CHM: variants seen among roughly 807,000 people sequenced by gnomAD.
The protein encoded by CHM is rab proteins geranylgeranyltransferase component A 1.
A neutral mutation model predicts 49.0 loss-of-function variants in CHM; 10 were observed. That is an observed-to-expected ratio of 0.20 (90% confidence interval 0.13 to 0.35). The LOEUF (loss-of-function observed/expected upper bound fraction) is 0.35, where lower values mean the gene tolerates loss of function less well. CHM is among the 10% of genes least tolerant of loss of function. CHM has a pLI of 1.00. For synonymous variants in CHM, 184 were observed against 167.5 expected (o/e 1.10, Z -0.76); for missense variants, 455 against 478.4 (o/e 0.95, Z 0.46).
At chrX:86,042,001 A>G (rs1934486071) in intron 1 of CHM, among the ~76,000 whole-genome samples, 1 of 109,635 alleles carries the variant, frequency 9.1e-6, no homozygotes, top group African/African-American at 3.3e-5. Context: ...GAAATATAGG[A>G]AATCACTTGT....
At chrX:86,041,742 A>ATGGTGTGTG (rs1354319130) in intron 1 of CHM, among the ~76,000 whole-genome samples, 24 of 100,031 alleles carry the variant, frequency 2.4e-4, no homozygotes, top group African/African-American at 8.6e-4. Flanking sequence ...ATATATATAT[A>ATGGTGTGTG]TATATATATA....
At chrX:85,972,791 A>G (rs1164503737) in intron 4 of CHM, among the ~76,000 whole-genome samples, 1 of 112,101 alleles carries the variant, frequency 8.9e-6, no homozygotes, top group African/African-American at 3.2e-5. Context: ...TTGCCAGCCC[A>G]GAAAGGGGCT....
intron 14 of CHM, among the ~76,000 whole-genome samples, chrX:85,868,452 T>C: frequency 9.0e-6 from 1 of 111,709 alleles, no homozygotes. Flanking sequence ...AAGCAGGACC[T>C]AGATCAGACA....
At chrX:85,966,661 A>G (rs1443107524) in intron 4 of CHM, among the ~76,000 whole-genome samples, 1 of 112,349 alleles carries the variant, frequency 8.9e-6, no homozygotes, top group African/African-American at 3.2e-5. Context: ...TCCACACCTA[A>G]TTTTTTGTTT....
chrX:85,989,748 A>G (rs980478329), intron 2 of CHM, among the ~76,000 whole-genome samples: 9 of 112,243 alleles, frequency 8.0e-5, no homozygotes, highest in African/African-American at 2.9e-4. Context: ...AAAAAACTCA[A>G]TATTACTAAT....
At position 85,864,825 on chromosome X, in the gene CHM, G is replaced by T; in HGVS notation, c.1771-4C>A. ...TTTCCTGGAAAAGTGTTTCAGCCTGGCCAAGGAAGAAAAGATAAAATCGTT... is the reference window on the plus strand; with the variant it reads ...TTTCCTGGAAAAGTGTTTCAGCCTGTCCAAGGAAGAAAAGATAAAATCGTT... On this transcript the variant is annotated splice_polypyrimidine_tract_variant and splice_region_variant and intron_variant, in intron 14 of 14. Coordinates refer to ENST00000357749, the MANE Select transcript of CHM (RefSeq NM_000390.4). 8.3e-7 allele frequency: 1 copy of T among 1,201,919 alleles called. No homozygotes were observed. The highest frequency in any genetic ancestry group is 1.8e-5 in the South Asian group (1 of 55,554).
chrX:85,864,825 G>A lies in CHM; in HGVS notation c.1771-4C>T, dbSNP rs376625115. On this transcript the variant is annotated splice_polypyrimidine_tract_variant and splice_region_variant and intron_variant, in intron 14 of 14. Transcript: ENST00000357749. ...TTTCCTGGAAAAGTGTTTCAGCCTGGCCAAGGAAGAAAAGATAAAATCGTT... is the reference window on the plus strand; with the variant it reads ...TTTCCTGGAAAAGTGTTTCAGCCTGACCAAGGAAGAAAAGATAAAATCGTT... 183 of 1,200,299 alleles carry A rather than the reference G, an allele frequency of 1.5e-4. No homozygotes were observed. Among genetic ancestry groups the A allele is most frequent in the Non-Finnish European group, 2.0e-4 (175 of 889,213 alleles).
At chrX:86,034,653 G>T (rs919652665) in intron 1 of CHM, among the ~76,000 whole-genome samples, 1 of 111,064 alleles carries the variant, frequency 9.0e-6, no homozygotes, top group Non-Finnish European at 1.9e-5. Context: ...GGTGGCAGGC[G>T]CCTGTAATCC....
chrX:85,929,362 C>A (rs1260170964), intron 8 of CHM, among the ~76,000 whole-genome samples: 1 of 112,305 alleles, frequency 8.9e-6, no homozygotes, highest in Non-Finnish European at 1.9e-5. Flanking sequence ...CCTTCATTGA[C>A]CATTATGCCC....
At chrX:85,933,951 G>A (rs748901731) in intron 8 of CHM, among the ~76,000 whole-genome samples, 1 of 111,205 alleles carries the variant, frequency 9.0e-6, no homozygotes, top group African/African-American at 3.3e-5. Flanking sequence ...AAGATTGCAG[G>A]AGTCATTTAC....
intron 8 of CHM, among the ~76,000 whole-genome samples, chrX:85,951,957 GC>G (rs1929774489): frequency 8.9e-6 from 1 of 111,966 alleles, no homozygotes; most frequent in Admixed American, 9.5e-5. Context: ...ACTTGGTGCT[GC>G]CCTGTCAGTG....
chrX:86,008,652 G>A (rs1369015290), intron 2 of CHM, among the ~76,000 whole-genome samples: 1 of 111,049 alleles, frequency 9.0e-6, no homozygotes, highest in Non-Finnish European at 1.9e-5. Flanking sequence ...CGTTTATATG[G>A]GCTAAAAAAA....
At chrX:85,989,292 C>T (rs1228350495) in intron 2 of CHM, among the ~76,000 whole-genome samples, 2 of 111,678 alleles carry the variant, frequency 1.8e-5, no homozygotes, top group African/African-American at 3.3e-5. Context: ...AACAGGCTAG[C>T]CATATGTAGA....
At chrX:85,887,072 T>C (rs1486762909) in intron 12 of CHM, among the ~76,000 whole-genome samples, 4 of 108,527 alleles carry the variant, frequency 3.7e-5, no homozygotes, top group Non-Finnish European at 7.6e-5. Flanking sequence ...ACCTTCCTGG[T>C]GTAAGCCTTA....
intron 1 of CHM, among the ~76,000 whole-genome samples, chrX:86,039,412 A>T (rs887201894): frequency 9.1e-6 from 1 of 110,178 alleles, no homozygotes. Context: ...AAGTCAGATC[A>T]CAGAAACATG....
At chrX:86,005,202 T>C (rs973632536) in intron 2 of CHM, among the ~76,000 whole-genome samples, 3 of 112,043 alleles carry the variant, frequency 2.7e-5, no homozygotes, top group Non-Finnish European at 5.6e-5. Context: ...ACAAACATGT[T>C]CTTTGAAACC....
chrX:86,045,385 A>C (rs1569265770), intron 1 of CHM, among the ~76,000 whole-genome samples: 1 of 112,270 alleles, frequency 8.9e-6, no homozygotes, highest in Non-Finnish European at 1.9e-5. Flanking sequence ...TCTTTTATTC[A>C]ATTTTTACAC....
At chrX:85,936,291 C>T (rs959544006) in intron 8 of CHM, among the ~76,000 whole-genome samples, 2 of 112,251 alleles carry the variant, frequency 1.8e-5, no homozygotes, top group African/African-American at 3.2e-5. Flanking sequence ...CCAAAACATT[C>T]ATTCTAAACA....
intron 2 of CHM, among the ~76,000 whole-genome samples, chrX:86,026,219 G>A (rs1252638900): frequency 2.1e-5 from 2 of 93,263 alleles, no homozygotes; most frequent in Admixed American, 2.6e-4. Context: ...ACCGGACCAA[G>A]TTCAAGCAAT....
Sources: allele counts gnomAD v4.1 joint callset (sites outside exome capture counted in the v4.1 genomes callset), GRCh38; gene constraint gnomAD v4.1.1; transcripts MANE v1.5; gene names NCBI Gene and HGNC (gene_info 2026-07-23, HGNC 2026-07-21).